The following INPP4A variants were observed in gnomAD, a reference collection of about 807,000 sequenced individuals.
INPP4A encodes inositol polyphosphate-4-phosphatase type I A, also known as inositol polyphosphate-4-phosphatase, type I, 107kD.
Under a neutral mutation model 119.8 loss-of-function variants are expected in INPP4A, and 33 were observed. That is an observed-to-expected ratio of 0.28 (90% CI 0.21 to 0.37). The LOEUF is 0.37. INPP4A is among the 10% of genes least tolerant of loss of function. The probability of loss-of-function intolerance (pLI) is 1.00; values close to 1 mark genes in which losing one functional copy is unlikely to be tolerated. For synonymous variants in INPP4A, 496 were observed against 500.7 expected, an observed-to-expected ratio of 0.99 and a Z score of 0.12; for missense variants, 956 against 1,289.9, an observed-to-expected ratio of 0.74 and a Z score of 3.97.
chr2:98,539,593 C>T lies in INPP4A; in HGVS notation c.736C>T (p.Leu246=). The T allele has an allele frequency of 3.7e-6, 6 of 1,612,364 alleles. No homozygotes were observed. Among genetic ancestry groups the T allele is most frequent in the Non-Finnish European group, 5.1e-6 (6 of 1,179,144 alleles). ...CACTGATGGTAACCATTTGCGGATC[C>T]TGGAGCAGATGGCAGAGAGCGTGCT... ...PTTDGNHLRI[L]EQMAESVLSL... is the part of the protein sequence containing the mutation. Residue 246 remains leucine, a synonymous_variant, in exon 10 of 25, where the codon CTG becomes TTG. Transcript: ENST00000409851.
At chr2:98,445,545 ATTTCTAGCATC>A (rs1240365807) in intron 1 of INPP4A, among the ~76,000 whole-genome samples, 1 of 152,184 alleles carries the variant, frequency 6.6e-6, no homozygotes, top group Non-Finnish European at 1.5e-5. Flanking sequence ...CCCCGACAAC[ATTTCTAGCATC>A]TTTGCTTTCT....
At position 98,546,716 on chromosome 2, in the gene INPP4A, G is replaced by C. The variant is rs745975131; in HGVS notation, c.1163+22G>C. 1 of 1,410,606 alleles carries C rather than the reference G, an allele frequency of 7.1e-7. No homozygotes were observed. Among genetic ancestry groups the C allele is most frequent in the Non-Finnish European group, 1.0e-6 (1 of 994,506 alleles). The allele number at this position is 1,410,606 out of a possible 1,614,324, so 87.4% of individuals were successfully genotyped here. A position where few individuals can be genotyped will look rare whatever the true frequency, so the allele number is the denominator to read the frequency against. On this transcript the variant is annotated intron_variant, in intron 13 of 24. Coordinates refer to ENST00000409851, the MANE Select transcript of INPP4A (RefSeq NM_001134225.2). The surrounding 1 kb of genome is among the most constrained non-coding windows in gnomAD (Gnocchi z 4.2). Reference sequence around the variant, plus strand: ...AACAGTAAGTAGCCAGAGAGGGTTTGTGGTCCTTGTACAGCTTTCTGATGC... The same window carrying C: ...AACAGTAAGTAGCCAGAGAGGGTTTCTGGTCCTTGTACAGCTTTCTGATGC...
At chr2:98,531,803 C>G (rs1251915387) in intron 4 of INPP4A, among the ~76,000 whole-genome samples, 1 of 152,198 alleles carries the variant, frequency 6.6e-6, no homozygotes, top group African/African-American at 2.4e-5. Context: ...ACCACACTTA[C>G]AGTATAAACA....
chr2:98,516,611 A>G (rs113188632), intron 1 of INPP4A, among the ~76,000 whole-genome samples: 2,386 of 152,262 alleles, frequency 0.016, 80 homozygotes, highest in African/African-American at 0.054. Flanking sequence ...ACCTTCACTA[A>G]CAGGCTGAGC....
At position 98,513,162 on chromosome 2, in the gene INPP4A, G is replaced by A. The variant is rs558513328; in HGVS notation, c.-165-5802G>A. 7.2e-5 allele frequency among the ~76,000 whole-genome samples: 11 copies of A among 152,168 alleles called. 1 individual carries two copies. The South Asian group carries it at 8.3e-4, about 11-fold the overall frequency. ...AATCAAGGACCCCAACTGCTGTATC[G>A]TAGGCCCAACTCCTCCTGCATCGCC... On this transcript the variant is annotated intron_variant, in intron 1 of 24. Transcript: ENST00000409851.
chr2:98,512,914 C>T (rs898325981), intron 1 of INPP4A, among the ~76,000 whole-genome samples: 1 of 152,180 alleles, frequency 6.6e-6, no homozygotes, highest in African/African-American at 2.4e-5. Context: ...GCCTTTCCAT[C>T]CTAGTTAATA....
intron 24 of INPP4A, among the ~76,000 whole-genome samples, chr2:98,584,683 G>T (rs1374459037): frequency 6.6e-6 from 1 of 152,282 alleles, no homozygotes; most frequent in African/African-American, 2.4e-5. Flanking sequence ...CAGGGTCTGG[G>T]TGAAAATCAG....
rs148798677 is a variant in INPP4A, at chr2:98,555,904, T to G, written c.1822+96T>G. The G allele has an allele frequency of 4.2e-3, 5,912 of 1,395,228 alleles. 54 individuals carry two copies. Among genetic ancestry groups the G allele is most frequent in the South Asian group, 7.1e-3 (509 of 71,620 alleles). The allele number at this position is 1,395,228 out of a possible 1,614,324, so 86.4% of individuals were successfully genotyped here. ...TCTGACTCCATGCCCTCCTCCCCCA[T>G]GCAGACTGCAGGGAGGGCTGCCAGG... On this transcript the variant is annotated intron_variant, in intron 16 of 24. Coordinates refer to ENST00000409851, the MANE Select transcript of INPP4A (RefSeq NM_001134225.2).
rs142802109 is a variant in INPP4A at position 98,532,887 on chromosome 2, A to G, written c.152-490A>G. On this transcript the variant is annotated intron_variant, in intron 4 of 24. Transcript: ENST00000409851. ...AAAAAAGAGCTTTGTTTACTTTGCC[A>G]TAGAATTCTAATTTTCTTCCAGCAT... is the stretch of plus-strand genomic sequence containing the variant. 9.2e-5 allele frequency among the ~76,000 whole-genome samples: 14 copies of G among 152,230 alleles called. No homozygotes were observed. In the East Asian group the frequency reaches 2.7e-3, roughly 29 times the overall value.
intron 1 of INPP4A, among the ~76,000 whole-genome samples, chr2:98,460,061 T>TTC (rs4069733): frequency 0.27 from 41,617 of 151,798 alleles, 5,748 homozygotes; most frequent in Middle Eastern, 0.35. Flanking sequence ...CTGCTTCCAC[T>TTC]TCTGGGTGAG....
At chr2:98,559,570 A>G (rs1695097949) in intron 17 of INPP4A, 75 bp downstream of exon 17, 4 of 1,456,876 alleles carry the variant, frequency 2.7e-6, no homozygotes, top group African/African-American at 1.4e-5. Flanking sequence ...TAGCTAAATT[A>G]CAAAAGATTG....
In INPP4A at chr2:98,490,635, G is replaced by T. The variant is rs376035300; in HGVS notation, c.-165-28329G>T. 2.6e-5 allele frequency among the ~76,000 whole-genome samples: 4 copies of T among 152,262 alleles called. No homozygotes were observed. In the East Asian group the frequency reaches 5.8e-4, roughly 22 times the overall value. Reference sequence around the variant, plus strand: ...TAGTCCTGACCCCTTTATTGTTCTCGTGGAGATACTTTCCTTCCTCTCTTC... The same window carrying T: ...TAGTCCTGACCCCTTTATTGTTCTCTTGGAGATACTTTCCTTCCTCTCTTC... On this transcript the variant is annotated intron_variant, in intron 1 of 24. Transcript: ENST00000409851.
In INPP4A at chr2:98,566,092, C is replaced by T; in HGVS notation, c.2343C>T (p.Ile781=). Residue 781 remains isoleucine (I), a synonymous_variant, in exon 21 of 25, where the codon ATC becomes ATT. Coordinates refer to ENST00000409851, the MANE Select transcript of INPP4A (RefSeq NM_001134225.2). This position sits in a 1 kb window ranked among gnomAD's most constrained non-coding sequence, Gnocchi z 4.2. ...GPLFDALPRE[I]QSGMLLRVQP... The stretch of plus-strand genomic sequence containing the variant: ...TGTTTGACGCCTTGCCCCGGGAGAT[C>T]CAGAGTGGCATGCTGCTGCGAGTGC... 1.2e-6 allele frequency: 2 copies of T among 1,601,804 alleles called. No homozygotes were observed. The highest frequency in any genetic ancestry group is 2.3e-5 in the South Asian group (2 of 88,460).
chr2:98,503,245 G>A (rs111302622), intron 1 of INPP4A, among the ~76,000 whole-genome samples: 3 of 152,328 alleles, frequency 2.0e-5, no homozygotes, highest in African/African-American at 7.2e-5. Flanking sequence ...GAGTCCAAGA[G>A]AGTACCAGGA....
At chr2:98,540,171 A>T (rs1357522902) in intron 10 of INPP4A, among the ~76,000 whole-genome samples, 1 of 152,176 alleles carries the variant, frequency 6.6e-6, no homozygotes, top group Non-Finnish European at 1.5e-5. Flanking sequence ...ACCTCAGATG[A>T]TCCACCCACC....
chr2:98,531,527 C>T (rs996598640), intron 4 of INPP4A, among the ~76,000 whole-genome samples: 3 of 152,072 alleles, frequency 2.0e-5, no homozygotes, highest in African/African-American at 7.2e-5. Flanking sequence ...ATTCGCAGAA[C>T]AAATAAAAAC....
intron 4 of INPP4A, among the ~76,000 whole-genome samples, chr2:98,526,367 A>C (rs1688182412): frequency 4.6e-5 from 7 of 152,232 alleles, no homozygotes; most frequent in Admixed American, 2.6e-4. Flanking sequence ...ATTTTATTGT[A>C]TCCAATAAAT....
At chr2:98,511,286 C>T (rs1685084671) in intron 1 of INPP4A, among the ~76,000 whole-genome samples, 1 of 152,184 alleles carries the variant, frequency 6.6e-6, no homozygotes, top group African/African-American at 2.4e-5. Flanking sequence ...TCTCGATCTC[C>T]TGACCTTGTG....
intron 13 of INPP4A, among the ~76,000 whole-genome samples, chr2:98,552,087 A>G (rs1028617781): frequency 4.6e-5 from 7 of 152,138 alleles, no homozygotes; most frequent in Admixed American, 2.0e-4. Flanking sequence ...GGAAGGAGGG[A>G]GAGCCAGGGT....
Sources: gnomAD v4.1 joint callset for allele counts (sites outside exome capture counted in the v4.1 genomes callset) on GRCh38, gnomAD v4.1.1 for gene constraint, Gnocchi (gnomAD v3.1) non-coding constraint, MANE v1.5 for transcripts, NCBI Gene and HGNC (gene_info 2026-07-23, HGNC 2026-07-21) for gene names.